CYRIB: variants seen among roughly 807,000 people sequenced by gnomAD.
CYRIB encodes CYFIP-related Rac1 interactor B.
In CYRIB, 8 loss-of-function variants were observed where a neutral mutation model predicts 44.2. The observed-to-expected ratio is 0.18, with a 90% confidence interval of 0.11 to 0.33. The LOEUF (loss-of-function observed/expected upper bound fraction) is 0.33, where lower values mean the gene tolerates loss of function less well. CYRIB is among the 10% of genes least tolerant of loss of function. The pLI is 1.00. For synonymous variants in CYRIB, 131 were observed against 127.2 expected, an observed-to-expected ratio of 1.03 and a Z score of -0.20; for missense variants, 185 against 382.8, an observed-to-expected ratio of 0.48 and a Z score of 4.31.
At chr8:129,982,701 C>A (rs2096283249) in intron 1 of CYRIB, among the ~76,000 whole-genome samples, 1 of 152,188 alleles carries the variant, frequency 6.6e-6, no homozygotes, top group African/African-American at 2.4e-5. Context: ...GCAACTAAAC[C>A]AAATATATGT....
chr8:129,853,375 G>A (rs1406576449), intron 7 of CYRIB, among the ~76,000 whole-genome samples: 1 of 152,136 alleles, frequency 6.6e-6, no homozygotes, highest in Non-Finnish European at 1.5e-5. Context: ...TTCATAAAGA[G>A]GAATCTTTTC....
chr8:129,968,826 C>T (rs145785269), intron 2 of CYRIB, among the ~76,000 whole-genome samples: 35 of 152,070 alleles, frequency 2.3e-4, no homozygotes, highest in Admixed American at 1.2e-3. Flanking sequence ...TTTTTCTAGC[C>T]CCTTTTCATG....
chr8:129,893,615 C>T (rs2066450653), intron 2 of CYRIB, among the ~76,000 whole-genome samples: 1 of 152,158 alleles, frequency 6.6e-6, no homozygotes, highest in Non-Finnish European at 1.5e-5. Flanking sequence ...AGATGGGCTA[C>T]TTTTTTGTGT....
chr8:129,852,206 T>C (rs950840651), exon 8 of CYRIB: 4 of 1,571,516 alleles, frequency 2.5e-6, no homozygotes, highest in Non-Finnish European at 1.7e-6. Context: ...GTTTTCAGCA[T>C]TGGAGTTGCC....
At chr8:130,011,764 C>T (rs1035234443) in intron 1 of CYRIB, among the ~76,000 whole-genome samples, 3 of 151,930 alleles carry the variant, frequency 2.0e-5, no homozygotes, top group African/African-American at 4.8e-5. Context: ...ATCCGGGAGG[C>T]GGAGCTTGCA....
At chr8:130,004,769 T>G (rs1352982782) in intron 1 of CYRIB, among the ~76,000 whole-genome samples, 1 of 147,522 alleles carries the variant, frequency 6.8e-6, no homozygotes, top group Admixed American at 6.7e-5. Flanking sequence ...GAATTTTTTT[T>G]TTTTTTTTTT....
intron 1 of CYRIB, among the ~76,000 whole-genome samples, chr8:129,998,119 C>CAAAA (rs34658935): frequency 4.3e-5 from 4 of 93,184 alleles, no homozygotes; most frequent in Admixed American, 1.2e-4. Context: ...GACTCTGTCT[C>CAAAA]AAAAAAAAAA....
rs1386577581 is a variant in CYRIB, at chr8:129,928,645, G to A, written c.-50+10963C>T. Among the ~76,000 whole-genome samples, 14 of 148,644 alleles carry A rather than the reference G, an allele frequency of 9.4e-5. No homozygotes were observed. In the East Asian group the frequency reaches 2.8e-3, roughly 29 times the overall value. Reference sequence around the variant, plus strand: ...ACTATACTCCAGCCTGAGTGACAAAGTAAAATCCTTTCTTTAAAAAAAAAA... The same window carrying A: ...ACTATACTCCAGCCTGAGTGACAAAATAAAATCCTTTCTTTAAAAAAAAAA... On this transcript the variant is annotated intron_variant, in intron 1 of 11. Coordinates refer to ENST00000519824, the Ensembl canonical transcript of CYRIB.
chr8:129,983,134 C>T (rs749208337), intron 1 of CYRIB, among the ~76,000 whole-genome samples: 2 of 151,984 alleles, frequency 1.3e-5, no homozygotes, highest in Non-Finnish European at 2.9e-5. Context: ...CACTGCAAGA[C>T]GCTCTCTCTA....
chr8:129,901,970 G>A (rs1054464097), intron 2 of CYRIB, among the ~76,000 whole-genome samples: 6 of 152,086 alleles, frequency 3.9e-5, no homozygotes, highest in Admixed American at 1.3e-4. Context: ...TCAATGTAAC[G>A]TTTCCTTCTT....
rs373914961 is a variant in CYRIB at position 130,006,338 on chromosome 8, G to T, written c.-296+10032C>A. On this transcript the variant is annotated intron_variant, in intron 1 of 14. Transcript: ENST00000401979. Reference sequence around the variant, plus strand: ...AAGAAGAAAAAGAATCTGGCTTGCCGGGTACAGTGGTGTGCACCTATAGTC... The same window carrying T: ...AAGAAGAAAAAGAATCTGGCTTGCCTGGTACAGTGGTGTGCACCTATAGTC... Among the ~76,000 whole-genome samples, 202 of 150,268 alleles carry T rather than the reference G, an allele frequency of 1.3e-3. 1 individual carries two copies. In the Middle Eastern group the frequency reaches 0.021, roughly 15 times the overall value.
intron 1 of CYRIB, among the ~76,000 whole-genome samples, chr8:130,009,149 T>A (rs942331887): frequency 1.2e-4 from 19 of 152,308 alleles, no homozygotes; most frequent in Admixed American, 1.0e-3. Flanking sequence ...GAATCAAAGA[T>A]CTCCTTGGCT....
upstream of CYRIB, among the ~76,000 whole-genome samples, chr8:129,941,632 T>C (rs903856853): frequency 5.9e-5 from 9 of 152,166 alleles, no homozygotes; most frequent in African/African-American, 1.9e-4. Flanking sequence ...TCCAAGAAGC[T>C]TGGTCCACTT....
At chr8:129,881,780 A>T (rs1189004105) in intron 2 of CYRIB, among the ~76,000 whole-genome samples, 4 of 152,240 alleles carry the variant, frequency 2.6e-5, no homozygotes, top group Non-Finnish European at 5.9e-5. Context: ...ACAATACTTT[A>T]CACAAGTGGA....
chr8:129,890,930 G>A (rs995110099), intron 2 of CYRIB, among the ~76,000 whole-genome samples: 7 of 151,542 alleles, frequency 4.6e-5, no homozygotes, highest in African/African-American at 1.7e-4. Context: ...AAAAATAAAA[G>A]AAGAAAAGAG....
chr8:130,006,620 A>ATATATATACACATATATATATGTG (rs1592346834), intron 1 of CYRIB, among the ~76,000 whole-genome samples: 1 of 91,436 alleles, frequency 1.1e-5, no homozygotes, highest in African/African-American at 4.9e-5. Context: ...ATATATGTGT[A>ATATATATACACATATATATATGTG]TATATATACA....
intron 11 of CYRIB, 52 bp downstream of exon 13, chr8:129,846,752 C>T: frequency 5.6e-6 from 7 of 1,257,686 alleles, no homozygotes; most frequent in South Asian, 4.1e-5. Flanking sequence ...TAAACATCGA[C>T]CATTTTCCTT....
At chr8:129,882,115 T>C (rs1300292799) in intron 2 of CYRIB, among the ~76,000 whole-genome samples, 1 of 152,190 alleles carries the variant, frequency 6.6e-6, no homozygotes, top group African/African-American at 2.4e-5. Context: ...CCTAGTGGTA[T>C]CAAAATTGGA....
At chr8:129,900,925 C>T (rs200325409) in intron 2 of CYRIB, among the ~76,000 whole-genome samples, 6 of 152,218 alleles carry the variant, frequency 3.9e-5, no homozygotes, top group African/African-American at 1.2e-4. Flanking sequence ...CCACCCACCT[C>T]GGCCACCCAA....
Sources: gnomAD v4.1 joint callset for allele counts (sites outside exome capture counted in the v4.1 genomes callset) on GRCh38, gnomAD v4.1.1 for gene constraint, MANE v1.5 for transcripts, NCBI Gene and HGNC (gene_info 2026-07-23, HGNC 2026-07-21) for gene names.